Variants in ANKRD55 observed in about 807,000 individuals in gnomAD.
ANKRD55 encodes the protein ankyrin repeat domain 55, also known as ankyrin repeat domain-containing protein 55.
ANKRD55 carries 41 observed loss-of-function variants against 60.6 expected under a neutral mutation model. That is an observed-to-expected ratio of 0.68 (90% CI 0.53 to 0.88). ANKRD55 has a LOEUF of 0.88. Among genes scored for constraint, ANKRD55 ranks in the 40% least tolerant of loss-of-function variants. The pLI is 0.00. For synonymous variants in ANKRD55, 264 were observed against 290.3 expected (o/e 0.91, Z 0.92); for missense variants, 732 against 767.6 (o/e 0.95, Z 0.55).
chr5:56,214,766 G>T (rs1322422233), intron 2 of ANKRD55, among the ~76,000 whole-genome samples: 1 of 152,122 alleles, frequency 6.6e-6, no homozygotes, highest in Non-Finnish European at 1.5e-5. Context: ...ACACTTCCAG[G>T]ATCCATCCTT....
intron 8 of ANKRD55, among the ~76,000 whole-genome samples, chr5:56,124,343 C>T (rs1345734913): frequency 6.6e-6 from 1 of 152,004 alleles, no homozygotes; most frequent in African/African-American, 2.4e-5. Flanking sequence ...TTTCCTTCTA[C>T]CTCTTTTTAT....
chr5:56,219,736 C>T (rs1310823851), intron 2 of ANKRD55, among the ~76,000 whole-genome samples: 1 of 152,200 alleles, frequency 6.6e-6, no homozygotes, highest in Non-Finnish European at 1.5e-5. Context: ...TTTGCACGAA[C>T]CTTTGACCTC....
chr5:56,222,959 C>T (rs1760006822), intron 2 of ANKRD55, among the ~76,000 whole-genome samples: 1 of 152,246 alleles, frequency 6.6e-6, no homozygotes, highest in African/African-American at 2.4e-5. Flanking sequence ...ACGTCCCCAA[C>T]CTAGGAAGGC....
chr5:56,159,806 C>T lies in ANKRD55; in HGVS notation c.483+27G>A, dbSNP rs1412600932. The T allele has an allele frequency of 6.2e-6, 10 of 1,610,888 alleles. No homozygotes were observed. The South Asian group carries it at 8.8e-5, about 14-fold the overall frequency. ...CTTTCACCCTCACATGCAAAATGAC[C>T]ACTTGTTGCTTGAGAGTGTGGCTCA... On this transcript the variant is annotated intron_variant, in intron 6 of 11. Coordinates refer to ENST00000341048, the MANE Select transcript of ANKRD55 (RefSeq NM_024669.3).
At position 56,100,121 on chromosome 5, in the gene ANKRD55, T is replaced by A. The variant is rs1756224986; in HGVS notation, c.*62A>T. On this transcript the variant is annotated 3_prime_UTR_variant, in exon 12 of 12. Coordinates refer to ENST00000341048, the MANE Select transcript of ANKRD55 (RefSeq NM_024669.3). ...TCTTCGTTCTTACAAACTGGAGTAA[T>A]CTTGTCCTTTGAGAGTTGAAAATAC... 1.9e-6 allele frequency: 3 copies of A among 1,609,966 alleles called. No individual in the cohort carries two copies. The Admixed American group carries it at 5.0e-5, about 27-fold the overall frequency.
chr5:56,164,586 G>A (rs950905199), intron 5 of ANKRD55, among the ~76,000 whole-genome samples: 1 of 152,208 alleles, frequency 6.6e-6, no homozygotes, highest in African/African-American at 2.4e-5. Flanking sequence ...AGAGAGCCCC[G>A]TGGCTGCTTT....
chr5:56,157,729 AC>A (rs201361057), intron 6 of ANKRD55, among the ~76,000 whole-genome samples: 1,669 of 152,116 alleles, frequency 0.011, 31 homozygotes, highest in African/African-American at 0.039. Context: ...CCCTCTCCCC[AC>A]TATTACCCTA....
At chr5:56,154,200 C>CAAAAA (rs367809782) in intron 6 of ANKRD55, among the ~76,000 whole-genome samples, 2 of 64,306 alleles carry the variant, frequency 3.1e-5, no homozygotes, top group African/African-American at 1.3e-4. Flanking sequence ...GACTCTGTCT[C>CAAAAA]AAAAAAAAAA....
chr5:56,106,420 CTTTTTTT>C (rs71602938), intron 10 of ANKRD55, among the ~76,000 whole-genome samples: 25,841 of 96,956 alleles, frequency 0.27, 2,866 homozygotes, highest in Middle Eastern at 0.42. Flanking sequence ...GCTAGGAAAG[CTTTTTTT>C]TTTTTTTTTT....
intron 8 of ANKRD55, among the ~76,000 whole-genome samples, chr5:56,123,947 A>G (rs1164765422): frequency 6.6e-6 from 1 of 152,172 alleles, no homozygotes; most frequent in African/African-American, 2.4e-5. Flanking sequence ...GGCAGGGCCC[A>G]TGATTCAGAA....
intron 2 of ANKRD55, among the ~76,000 whole-genome samples, chr5:56,194,807 G>C (rs1759192466): frequency 6.6e-6 from 1 of 152,144 alleles, no homozygotes; most frequent in Non-Finnish European, 1.5e-5. Context: ...TGCTTTTCTT[G>C]TATCAGTGCC....
At chr5:56,166,153 T>TCCTTCCTTCCTTCCTTC (rs1554040810) in intron 5 of ANKRD55, among the ~76,000 whole-genome samples, 1 of 49,502 alleles carries the variant, frequency 2.0e-5, no homozygotes, top group African/African-American at 8.2e-5. Context: ...TTTCTTTCTT[T>TCCTTCCTTCCTTCCTTC]CTTCTTTCCT....
At chr5:56,146,906 G>A (rs902825269) in intron 6 of ANKRD55, 4 of 152,214 alleles carry the variant, frequency 2.6e-5, no homozygotes, top group African/African-American at 9.7e-5. Flanking sequence ...ATGATTTAGA[G>A]ATGTGGGAAT....
chr5:56,177,517 C>T (rs1758761557), intron 3 of ANKRD55, among the ~76,000 whole-genome samples: 1 of 152,094 alleles, frequency 6.6e-6, no homozygotes, highest in Admixed American at 6.5e-5. Flanking sequence ...TGGCTCCTGC[C>T]TGTAATCCCA....
intron 2 of ANKRD55, among the ~76,000 whole-genome samples, chr5:56,213,838 G>T (rs184219465): frequency 1.3e-3 from 194 of 152,346 alleles, no homozygotes; most frequent in Middle Eastern, 3.4e-3. Flanking sequence ...TGGTTTACCT[G>T]CTCAGGCAAT....
At chr5:56,170,915 T>A (rs1758600257) in intron 4 of ANKRD55, 112 bp from the exon 5 acceptor site, 1 of 950,648 alleles carries the variant, frequency 1.1e-6, no homozygotes, top group Non-Finnish European at 1.6e-6. Flanking sequence ...AAACATATTT[T>A]ATTTGACTTG....
chr5:56,230,929 G>A (rs1760236311), intron 2 of ANKRD55, among the ~76,000 whole-genome samples: 1 of 152,010 alleles, frequency 6.6e-6, no homozygotes, highest in Non-Finnish European at 1.5e-5. Context: ...AGCCAAAATG[G>A]GAAAATACTT....
intron 2 of ANKRD55, among the ~76,000 whole-genome samples, chr5:56,218,980 T>C (rs1376218495): frequency 6.6e-6 from 1 of 152,092 alleles, no homozygotes; most frequent in Non-Finnish European, 1.5e-5. Context: ...AAATTATTTT[T>C]GAAAAATTTA....
chr5:56,204,071 C>T (rs901799853), intron 2 of ANKRD55, among the ~76,000 whole-genome samples: 4 of 152,164 alleles, frequency 2.6e-5, no homozygotes, highest in African/African-American at 4.8e-5. Context: ...TTGCATTTCT[C>T]TGATGGCCAG....
Sources: allele counts gnomAD v4.1 joint callset (sites outside exome capture counted in the v4.1 genomes callset), GRCh38; gene constraint gnomAD v4.1.1; transcripts MANE v1.5; gene names NCBI Gene and HGNC (gene_info 2026-07-23, HGNC 2026-07-21).